Variants in GSE1 observed in about 807,000 individuals in gnomAD.
The protein encoded by GSE1 is genetic suppressor element 1.
In GSE1, 32 loss-of-function variants were observed where a neutral mutation model predicts 112.6. The ratio of observed to expected loss-of-function variants is 0.28; its 90% CI spans 0.21 to 0.38. The LOEUF (loss-of-function observed/expected upper bound fraction) is 0.38. Ranked by LOEUF, GSE1 falls within the 10% of genes least tolerant of loss-of-function variation. The probability of loss-of-function intolerance (pLI) is 1.00; values close to 1 mark genes in which losing one functional copy is unlikely to be tolerated. For missense variants in GSE1, 2,348 were observed against 1,699.2 expected (o/e 1.38, Z -6.71); for synonymous variants, 1,115 against 735.6 (o/e 1.52, Z -8.35).
rs375649225 is a variant in GSE1 at position 85,215,568 on chromosome 16, AAAT to A, written c.2283+43769_2283+43771del. Among the ~76,000 whole-genome samples, 786 of 152,340 alleles carry A rather than the reference AAAT, an allele frequency of 5.2e-3. 2 individuals are homozygous for A. The highest frequency in any genetic ancestry group is 7.5e-3 in the African/African-American group (313 of 41,564). On this transcript the variant is annotated intron_variant, in intron 1 of 2. Coordinates refer to the GSE1 transcript ENST00000637419. ...AAGCAATTGAAATAAACATTTTAAA[AAAT>A]AATAATATCTGCCTTATAGAGCTGT...
intron 2 of GSE1, among the ~76,000 whole-genome samples, chr16:85,453,301 C>T (rs1330634317): frequency 6.6e-6 from 1 of 152,310 alleles, no homozygotes; most frequent in East Asian, 1.9e-4. Flanking sequence ...CTCTACCTCC[C>T]TTCCCTCCGC....
chr16:85,196,617 G>A (rs953303103), intron 1 of GSE1, among the ~76,000 whole-genome samples: 18 of 152,208 alleles, frequency 1.2e-4, no homozygotes, highest in Admixed American at 3.3e-4. Flanking sequence ...TTCTCGATGG[G>A]TGGAACACAG....
intron 13 of GSE1, chr16:85,666,551 G>GAA: frequency 1.7e-6 from 1 of 604,968 alleles, no homozygotes; most frequent in South Asian, 2.0e-5. Flanking sequence ...TCGTAGGTGA[G>GAA]AAACGTTTGT....
chr16:85,235,162 A>G (rs1597864713), intron 1 of GSE1, among the ~76,000 whole-genome samples: 1 of 152,046 alleles, frequency 6.6e-6, no homozygotes, highest in East Asian at 1.9e-4. Context: ...AGCTCGAAAT[A>G]GGGGTGTCCT....
At chr16:85,317,454 C>T (rs2046009535) in intron 1 of GSE1, among the ~76,000 whole-genome samples, 1 of 152,164 alleles carries the variant, frequency 6.6e-6, no homozygotes, top group Non-Finnish European at 1.5e-5. Context: ...GAAGTGAGGA[C>T]AACCCCCCTA....
intron 2 of GSE1, among the ~76,000 whole-genome samples, chr16:85,400,447 T>C (rs1413600251): frequency 6.6e-6 from 1 of 152,010 alleles, no homozygotes; most frequent in Non-Finnish European, 1.5e-5. Flanking sequence ...CATGTGGTTG[T>C]ATGTCCGTGT....
chr16:85,447,986 G>C (rs750709993), intron 2 of GSE1, among the ~76,000 whole-genome samples: 1 of 152,182 alleles, frequency 6.6e-6, no homozygotes, highest in Non-Finnish European at 1.5e-5. Flanking sequence ...TAGGGGACAG[G>C]ATTGCAAATC....
Position 85,373,207 on chromosome 16 carries a change from A to G in GSE1, c.2464+15564A>G, listed in dbSNP as rs1456031009. ...CCAGGGTGGGTGCCAGGCGCCTGGT[A>G]GCAGGCCCAGCTGCCTCGAGGTGCT... On this transcript the variant is annotated intron_variant, in intron 2 of 2. Transcript: ENST00000637419. This position sits in a 1 kb window ranked among gnomAD's most constrained non-coding sequence, Gnocchi z 5.1. 6.6e-6 allele frequency among the ~76,000 whole-genome samples: 1 copy of G among 152,196 alleles called. No individual in the cohort carries two copies. Among genetic ancestry groups the G allele is most frequent in the African/African-American group, 2.4e-5 (1 of 41,462 alleles).
At chr16:85,249,495 C>T (rs1292902764) in intron 1 of GSE1, among the ~76,000 whole-genome samples, 2 of 152,222 alleles carry the variant, frequency 1.3e-5, no homozygotes, top group African/African-American at 4.8e-5. Flanking sequence ...GGATGCCAGC[C>T]AGAGCTCTGG....
chr16:85,573,243 C>T (rs1017384833), intron 1 of GSE1, among the ~76,000 whole-genome samples: 1 of 152,154 alleles, frequency 6.6e-6, no homozygotes, highest in Admixed American at 6.5e-5. Flanking sequence ...AAGCCATGTT[C>T]ACTTTCTGAG....
chr16:85,298,802 C>T (rs939146865), intron 1 of GSE1, among the ~76,000 whole-genome samples: 3 of 152,322 alleles, frequency 2.0e-5, no homozygotes, highest in Non-Finnish European at 2.9e-5. Context: ...GCATTGTGAA[C>T]GTCACAGGTA....
At chr16:85,655,948 T>G in intron 6 of GSE1, 31 bp downstream of exon 6, 1 of 1,550,710 alleles carries the variant, frequency 6.4e-7, no homozygotes, top group East Asian at 2.2e-5. Flanking sequence ...GGAGCCCCTC[T>G]GCCCTCCCTG....
intron 2 of GSE1, among the ~76,000 whole-genome samples, chr16:85,518,693 G>A (rs879280547): frequency 2.8e-4 from 42 of 152,120 alleles, no homozygotes; most frequent in Admixed American, 5.9e-4. Flanking sequence ...TGTGGTGTGC[G>A]GATGGCCTTG....
rs1290638348 is a variant in GSE1 at position 85,556,111 on chromosome 16, C to T, written c.-216C>T. On this transcript the variant is annotated 5_prime_UTR_variant, in exon 1 of 3. Transcript: ENST00000635906. ...TGGCCGAAATTGCCTGGGCGCTGGTCGGAGAGAGAGCCTTTTGATCATCTT... is the reference window on the plus strand; with the variant it reads ...TGGCCGAAATTGCCTGGGCGCTGGTTGGAGAGAGAGCCTTTTGATCATCTT... 7.2e-6 allele frequency: 7 copies of T among 973,856 alleles called. No homozygotes were observed. In the Admixed American group the frequency reaches 2.5e-4, roughly 35 times the overall value. The allele number at this position is 973,856 out of a possible 1,614,324, so 60.3% of individuals were successfully genotyped here. A position where few individuals can be genotyped will look rare whatever the true frequency, so the allele number is the denominator to read the frequency against.
chr16:85,656,723 C>T lies in GSE1; in HGVS notation c.1312+58C>T. On this transcript the variant is annotated intron_variant, in intron 7 of 15. Transcript: ENST00000253458. ...GGTCTCAGCCACCCGCGGGGAGGAG[C>T]CCTGAATCGCAGCACCTGCCGGTTG... 7.6e-6 allele frequency: 11 copies of T among 1,442,704 alleles called. No individual in the cohort carries two copies. The South Asian group carries it at 1.6e-4, about 21-fold the overall frequency. 89.4% of individuals were successfully genotyped at this position (1,442,704 alleles called of 1,614,324 possible).
Position 85,657,595 on chromosome 16 carries a change from G to A in GSE1, c.1631G>A (p.Ser544Asn). 6.6e-7 allele frequency: 1 copy of A among 1,525,782 alleles called. No individual in the cohort carries two copies. The highest frequency in any genetic ancestry group is 8.8e-7 in the Non-Finnish European group (1 of 1,137,672). 94.5% of individuals were successfully genotyped at this position (1,525,782 alleles called of 1,614,324 possible). A position where few individuals can be genotyped will look rare whatever the true frequency, so the allele number is the denominator to read the frequency against. ...GCGGAGGCAGAGCACAGGCCGGAGA[G>A]CACCACCAGGTGAGTGAGCCCCAGG... ...VPAEAEHRPESTTRPGPNRHE... is the reference protein window; with the variant it reads ...VPAEAEHRPENTTRPGPNRHE... Residue 544 changes from serine (S) to asparagine (N), a missense_variant, in exon 8 of 16, where the codon AGC becomes AAC. Ser to Asn is a conservative substitution (Grantham distance 46). Coordinates refer to ENST00000253458, the MANE Select transcript of GSE1 (RefSeq NM_014615.5).
intron 1 of GSE1, among the ~76,000 whole-genome samples, chr16:85,272,757 TG>T (rs1908970799): frequency 6.6e-6 from 1 of 151,290 alleles, no homozygotes; most frequent in South Asian, 2.1e-4. Flanking sequence ...CTTGCTTGCT[TG>T]CTTGTTTTCT....
chr16:85,473,953 C>G (rs759156681), intron 2 of GSE1, among the ~76,000 whole-genome samples: 6 of 152,072 alleles, frequency 3.9e-5, no homozygotes, highest in Non-Finnish European at 8.8e-5. Context: ...GAGCTCCAGA[C>G]AGACGAACAG....
At chr16:85,181,087 T>A (rs1250126245) in intron 1 of GSE1, among the ~76,000 whole-genome samples, 1 of 152,226 alleles carries the variant, frequency 6.6e-6, no homozygotes, top group Non-Finnish European at 1.5e-5. Flanking sequence ...TGCCGGGCCA[T>A]GTGTCTGGTG....
Sources: allele counts gnomAD v4.1 joint callset (sites outside exome capture counted in the v4.1 genomes callset), GRCh38; gene constraint gnomAD v4.1.1; non-coding constraint Gnocchi (gnomAD v3.1); transcripts MANE v1.5; gene names NCBI Gene and HGNC (gene_info 2026-07-23, HGNC 2026-07-21).